The following CSRNP3 variants were observed in gnomAD, a reference collection of about 807,000 sequenced individuals.
CSRNP3 encodes the protein cysteine/serine-rich nuclear protein 3.
Under a neutral mutation model 48.0 loss-of-function variants are expected in CSRNP3, and 12 were observed. That is an observed-to-expected ratio of 0.25 (90% CI 0.16 to 0.41). CSRNP3 has a LOEUF of 0.41. CSRNP3 is among the 10% of genes least tolerant of loss of function. The probability of loss-of-function intolerance (pLI) is 1.00; values close to 1 mark genes in which losing one functional copy is unlikely to be tolerated. For synonymous variants in CSRNP3, 263 were observed against 269.7 expected (o/e 0.98, Z 0.24); for missense variants, 580 against 724.4 (o/e 0.80, Z 2.29).
chr2:165,561,841 A>G (rs144105078), intron 3 of CSRNP3, among the ~76,000 whole-genome samples: 1 of 152,188 alleles, frequency 6.6e-6, no homozygotes, highest in East Asian at 1.9e-4. Context: ...TTTAACTGGG[A>G]TGGGCAGGGG....
intron 3 of CSRNP3, among the ~76,000 whole-genome samples, chr2:165,541,848 G>T (rs530976430): frequency 1.3e-5 from 2 of 152,122 alleles, no homozygotes; most frequent in African/African-American, 2.4e-5. Context: ...AGGTAATGGG[G>T]TATACAGCCA....
intron 5 of CSRNP3, among the ~76,000 whole-genome samples, chr2:165,661,295 A>G (rs1276172994): frequency 6.6e-6 from 1 of 152,196 alleles, no homozygotes; most frequent in Admixed American, 6.5e-5. Flanking sequence ...TTAAAATATC[A>G]TTAAGTTGAA....
intron 6 of CSRNP3, among the ~76,000 whole-genome samples, chr2:165,678,391 A>G (rs1268358614): frequency 2.6e-5 from 4 of 152,052 alleles, no homozygotes; most frequent in African/African-American, 9.7e-5. Context: ...AAAGAAGTGG[A>G]GGGAAGGGAA....
intron 4 of CSRNP3, among the ~76,000 whole-genome samples, chr2:165,634,244 A>G (rs567577805): frequency 6.6e-6 from 1 of 152,148 alleles, no homozygotes; most frequent in East Asian, 1.9e-4. Context: ...GGAGGCTGAG[A>G]TGGAAGAATC....
intron 4 of CSRNP3, among the ~76,000 whole-genome samples, chr2:165,619,830 G>T (rs1043630058): frequency 6.6e-6 from 1 of 152,084 alleles, no homozygotes; most frequent in Non-Finnish European, 1.5e-5. Flanking sequence ...AGTATAAAAA[G>T]TTAAAAGCTT....
chr2:165,496,300 T>C (rs761097201), intron 2 of CSRNP3, among the ~76,000 whole-genome samples: 14 of 151,690 alleles, frequency 9.2e-5, no homozygotes, highest in Non-Finnish European at 1.9e-4. Context: ...GGCCAGAGAG[T>C]AGAATTTCAG....
At chr2:165,678,426 A>G (rs1294422195) in intron 6 of CSRNP3, among the ~76,000 whole-genome samples, 1 of 152,136 alleles carries the variant, frequency 6.6e-6, no homozygotes, top group Admixed American at 6.5e-5. Context: ...AAAAAAGGGT[A>G]GAAAGCCATG....
At chr2:165,554,165 T>C (rs959406545) in intron 3 of CSRNP3, among the ~76,000 whole-genome samples, 1 of 152,206 alleles carries the variant, frequency 6.6e-6, no homozygotes, top group African/African-American at 2.4e-5. Context: ...TTTTTTAAGA[T>C]GCTCTTTGCT....
intron 3 of CSRNP3, among the ~76,000 whole-genome samples, chr2:165,549,253 T>C (rs1423755930): frequency 2.0e-5 from 3 of 152,014 alleles, no homozygotes; most frequent in South Asian, 2.1e-4. Context: ...CTGTGAAATA[T>C]GGTAAGGGCC....
chr2:165,550,701 T>G (rs1380008757), intron 3 of CSRNP3, among the ~76,000 whole-genome samples: 2 of 152,168 alleles, frequency 1.3e-5, no homozygotes, highest in Non-Finnish European at 2.9e-5. Flanking sequence ...AGGTATATTT[T>G]CACCAGATAA....
At chr2:165,652,433 A>G (rs1469592472) in intron 4 of CSRNP3, among the ~76,000 whole-genome samples, 1 of 151,042 alleles carries the variant, frequency 6.6e-6, no homozygotes, top group Non-Finnish European at 1.5e-5. Context: ...CAGGAGGCGG[A>G]GGTTGCAGTG....
chr2:165,629,769 T>C (rs1361775215), intron 4 of CSRNP3, among the ~76,000 whole-genome samples: 1 of 152,226 alleles, frequency 6.6e-6, no homozygotes, highest in Non-Finnish European at 1.5e-5. Flanking sequence ...TGTGAAAATC[T>C]GAAATGGTGG....
At chr2:165,673,272 T>G (rs1486018590) in intron 5 of CSRNP3, among the ~76,000 whole-genome samples, 1 of 150,986 alleles carries the variant, frequency 6.6e-6, no homozygotes, top group Non-Finnish European at 1.5e-5. Context: ...TGAGTAGCTG[T>G]GATTACAGGT....
intron 3 of CSRNP3, among the ~76,000 whole-genome samples, chr2:165,533,334 A>T (rs193112806): frequency 9.5e-4 from 144 of 152,228 alleles, no homozygotes; most frequent in Non-Finnish European, 1.3e-3. Flanking sequence ...TTCCAAACTC[A>T]CTTTCCTAAT....
At chr2:165,677,986 A>C (rs997971576) in intron 6 of CSRNP3, among the ~76,000 whole-genome samples, 2 of 152,136 alleles carry the variant, frequency 1.3e-5, no homozygotes, top group Non-Finnish European at 2.9e-5. Flanking sequence ...TGGAGAGGGA[A>C]GGGGGGACTC....
chr2:165,589,570 C>G (rs1423949671), intron 3 of CSRNP3, among the ~76,000 whole-genome samples: 1 of 152,164 alleles, frequency 6.6e-6, no homozygotes, highest in South Asian at 2.1e-4. Context: ...TCTTAGCAAA[C>G]AGTTCCTCAC....
intron 1 of CSRNP3, among the ~76,000 whole-genome samples, chr2:165,476,594 G>C (rs1215591215): frequency 2.6e-5 from 4 of 152,200 alleles, no homozygotes; most frequent in African/African-American, 4.8e-5. Flanking sequence ...TGCATCATTT[G>C]AGCTAATGGG....
chr2:165,474,885 C>T (rs1683940623), intron 1 of CSRNP3, among the ~76,000 whole-genome samples: 1 of 152,174 alleles, frequency 6.6e-6, no homozygotes, highest in African/African-American at 2.4e-5. Context: ...TCACAGTCTC[C>T]TTGACTTTTT....
At chr2:165,581,713 T>A (rs1685550839) in intron 3 of CSRNP3, among the ~76,000 whole-genome samples, 1 of 152,074 alleles carries the variant, frequency 6.6e-6, no homozygotes, top group Non-Finnish European at 1.5e-5. Context: ...ATTTTTGTAT[T>A]TTTAGTAGAG....
Sources: allele counts gnomAD v4.1 joint callset (sites outside exome capture counted in the v4.1 genomes callset), GRCh38; gene constraint gnomAD v4.1.1; transcripts MANE v1.5; gene names NCBI Gene and HGNC (gene_info 2026-07-23, HGNC 2026-07-21).